The following PCSK1 variants were observed in gnomAD, a reference collection of about 807,000 sequenced individuals.
The protein encoded by PCSK1 is proprotein convertase subtilisin/kexin type 1.
In PCSK1, 56 loss-of-function variants were observed where a neutral mutation model predicts 90.6. The observed-to-expected ratio is 0.62, with a 90% CI of 0.50 to 0.77. The LOEUF is 0.77. Among genes scored for constraint, PCSK1 ranks in the 30% least tolerant of loss-of-function variants. PCSK1 has a pLI of 0.00. For synonymous variants in PCSK1, 348 were observed against 342.4 expected (o/e 1.02, Z -0.18); for missense variants, 801 against 932.6 (o/e 0.86, Z 1.84).
At chr5:96,410,604 G>T (rs1399725872) in intron 8 of PCSK1, among the ~76,000 whole-genome samples, 170 bp downstream of exon 8, 1 of 152,116 alleles carries the variant, frequency 6.6e-6, no homozygotes. Flanking sequence ...TCCCTGGAGA[G>T]AAAACTTTCT....
Position 96,392,708 on chromosome 5 carries a change from T to C in PCSK1, c.*293A>G, listed in dbSNP as rs1344793358. 2.2e-6 allele frequency: 1 copy of C among 450,890 alleles called. No homozygotes were observed. Among genetic ancestry groups the C allele is most frequent in the African/African-American group, 2.0e-5 (1 of 50,706 alleles). 27.9% of individuals were successfully genotyped at this position (450,890 alleles called of 1,614,324 possible). A position where few individuals can be genotyped will look rare whatever the true frequency, so the allele number is the denominator to read the frequency against. On this transcript the variant is annotated 3_prime_UTR_variant, in exon 14 of 14. Coordinates refer to ENST00000311106, the MANE Select transcript of PCSK1 (RefSeq NM_000439.5). ...AATTGAAATGGGCTCTAATGCAGTG[T>C]TCTAATGTAGTGTAAGAGCTTTTTG...
At chr5:96,413,800 CAAAAAAA>C (rs34702966) in intron 6 of PCSK1, among the ~76,000 whole-genome samples, 1 of 105,702 alleles carries the variant, frequency 9.5e-6, no homozygotes, top group Non-Finnish European at 1.8e-5. Flanking sequence ...GACTCTGTCT[CAAAAAAA>C]AAAAAAAAAA....
At chr5:96,408,484 A>C (rs1312052212) in intron 8 of PCSK1, among the ~76,000 whole-genome samples, 161 bp from the exon 9 acceptor site, 1 of 152,214 alleles carries the variant, frequency 6.6e-6, no homozygotes, top group African/African-American at 2.4e-5. Flanking sequence ...GATGTTTGCC[A>C]TCTGCTGATA....
Position 96,432,939 on chromosome 5 carries a change from C to T in PCSK1, c.104G>A (p.Trp35Ter). 1.2e-6 allele frequency: 2 copies of T among 1,614,226 alleles called. No individual in the cohort carries two copies. Among genetic ancestry groups the T allele is most frequent in the Non-Finnish European group, 1.7e-6 (2 of 1,180,032 alleles). Residue 35 changes from tryptophan to a stop codon, truncating the protein, a stop_gained, in exon 1 of 14, where the codon TGG becomes TAG. Transcript: ENST00000311106. LOFTEE classifies it high-confidence loss of function. ...AKAKRQFVNEWAAEIPGGPEA... is the reference protein window; with the variant it reads ...AKAKRQFVNE Reference sequence around the variant, plus strand: ...CGGGCCCCCGGGGATCTCCGCTGCCCATTCATTGACAAATTGCCTTTTCGC... The same window carrying T: ...CGGGCCCCCGGGGATCTCCGCTGCCTATTCATTGACAAATTGCCTTTTCGC...
rs2112450376 is a variant in PCSK1 at position 96,429,312 on chromosome 5, A to C, written c.186T>G (p.Gly62=). 1 of 1,526,566 alleles carries C rather than the reference A, an allele frequency of 6.6e-7. No individual in the cohort carries two copies. Among genetic ancestry groups the C allele is most frequent in the East Asian group, 2.3e-5 (1 of 44,366 alleles). The allele number at this position is 1,526,566 out of a possible 1,614,324, so 94.6% of individuals were successfully genotyped here. A position where few individuals can be genotyped will look rare whatever the true frequency, so the allele number is the denominator to read the frequency against. Residue 62 remains glycine (G), a synonymous_variant, in exon 2 of 14, where the codon GGT becomes GGG. Coordinates refer to ENST00000311106, the MANE Select transcript of PCSK1 (RefSeq NM_000439.5). The stretch of plus-strand genomic sequence containing the variant: ...TGAATAAGTAGTGATTTTCAAGTGA[A>C]CCAATCTATAAAAGGAAAGAAATAA... The part of the protein sequence containing the change: ...ELGYDLLGQI[G]SLENHYLFKH...
intron 2 of PCSK1, among the ~76,000 whole-genome samples, chr5:96,427,693 C>T (rs1290521473): frequency 1.3e-5 from 2 of 152,094 alleles, no homozygotes; most frequent in Non-Finnish European, 2.9e-5. Flanking sequence ...GTTAGGTATG[C>T]TCTATTCTGT....
chr5:96,418,699 T>C (rs1761011808), intron 5 of PCSK1, among the ~76,000 whole-genome samples: 1 of 152,192 alleles, frequency 6.6e-6, no homozygotes, highest in Non-Finnish European at 1.5e-5. Flanking sequence ...TTTCTAAACC[T>C]AAGGGCTTTA....
chr5:96,424,387 C>A (rs568767712), intron 3 of PCSK1, among the ~76,000 whole-genome samples: 10 of 152,212 alleles, frequency 6.6e-5, no homozygotes, highest in Admixed American at 2.0e-4. Flanking sequence ...ATGTCAGTTG[C>A]AGGAACAATT....
intron 6 of PCSK1, among the ~76,000 whole-genome samples, chr5:96,413,537 T>C (rs1476022902): frequency 1.3e-5 from 2 of 152,162 alleles, no homozygotes; most frequent in Non-Finnish European, 2.9e-5. Context: ...CAGTGGCTCA[T>C]GCCTTTAATA....
intron 6 of PCSK1, among the ~76,000 whole-genome samples, chr5:96,413,575 G>A (rs976233055): frequency 1.9e-4 from 29 of 151,988 alleles, no homozygotes; most frequent in African/African-American, 6.5e-4. Context: ...CGAGGTGGGT[G>A]GATCACTTGA....
In PCSK1 at chr5:96,419,609, C is replaced by A. The variant is rs115520120; in HGVS notation, c.620+2271G>T. ...TTTGACCTAAATTTGGCTCCCAAGT[C>A]TGCTCTTAACTGTTGGGCTATGACA... On this transcript the variant is annotated intron_variant, in intron 5 of 13. Coordinates refer to ENST00000311106, the MANE Select transcript of PCSK1 (RefSeq NM_000439.5). Among the ~76,000 whole-genome samples, 235 of 151,794 alleles carry A rather than the reference C, an allele frequency of 1.5e-3. 1 individual carries two copies. The highest frequency in any genetic ancestry group is 5.5e-3 in the African/African-American group (227 of 41,444).
At chr5:96,396,509 C>T (rs546640288) in intron 12 of PCSK1, among the ~76,000 whole-genome samples, 1 of 148,788 alleles carries the variant, frequency 6.7e-6, no homozygotes, top group African/African-American at 2.5e-5. Flanking sequence ...TGCAGTGAGC[C>T]GAGACTGTGC....
At chr5:96,408,378 C>T in intron 8 of PCSK1, 55 bp from the exon 9 acceptor site, 1 of 1,297,516 alleles carries the variant, frequency 7.7e-7, no homozygotes, top group East Asian at 2.4e-5. Flanking sequence ...GGAGTGTGGG[C>T]CTGTCTTGGG....
chr5:96,427,073 C>A (rs1474904383), intron 2 of PCSK1, among the ~76,000 whole-genome samples: 1 of 152,160 alleles, frequency 6.6e-6, no homozygotes, highest in African/African-American at 2.4e-5. Context: ...AAGTACTAAT[C>A]TTTGAGGTAG....
intron 1 of PCSK1, among the ~76,000 whole-genome samples, 172 bp from the exon 2 acceptor site, chr5:96,429,489 C>T (rs1328960065): frequency 6.6e-6 from 1 of 151,896 alleles, no homozygotes; most frequent in East Asian, 1.9e-4. Context: ...AGTACAAGTA[C>T]AGGTTTGTTA....
At position 96,433,073 on chromosome 5, in the gene PCSK1, A is replaced by AAGGGAAG. The variant is rs1761559682; in HGVS notation, c.-38_-32dup. ...ACACACTCGCTTGAACAAGAGTGGGAAGGGAAGAGGAAAAAGAAGCAAGAT... is the reference window on the plus strand; with the variant it reads ...ACACACTCGCTTGAACAAGAGTGGGAAGGGAAGAGGGAAGAGGAAAAAGAAGCAAGAT... On this transcript the variant is annotated 5_prime_UTR_variant, in exon 1 of 14. Coordinates refer to ENST00000311106, the MANE Select transcript of PCSK1 (RefSeq NM_000439.5). 2 of 1,606,692 alleles carry AAGGGAAG rather than the reference A, an allele frequency of 1.2e-6. No homozygotes were observed. The highest frequency in any genetic ancestry group is 2.7e-5 in the African/African-American group (2 of 74,868).
chr5:96,425,415 A>G (rs1761276588), intron 3 of PCSK1, among the ~76,000 whole-genome samples: 1 of 152,218 alleles, frequency 6.6e-6, no homozygotes, highest in Admixed American at 6.5e-5. Context: ...AAGAATTGTC[A>G]TTCAGGGTTG....
In PCSK1 at chr5:96,410,907, C is replaced by T; in HGVS notation, c.962G>A (p.Gly321Asp). 1 of 1,613,492 alleles carries T rather than the reference C, an allele frequency of 6.2e-7. No individual in the cohort carries two copies. Among genetic ancestry groups the T allele is most frequent in the Non-Finnish European group, 8.5e-7 (1 of 1,179,706 alleles). The change falls in exon 8 of 14, where the codon GGC becomes GAC. Residue 321 changes from glycine to aspartate, a missense_variant. Coordinates refer to ENST00000311106, the MANE Select transcript of PCSK1 (RefSeq NM_000439.5). ...GATGGTGTAGATGCTGTCTGTGTAG[C>T]CATCACAGTCACAATTATCTCCCTG... ...GRQGDNCDCDGYTDSIYTISI... is the reference protein window; with the variant it reads ...GRQGDNCDCDDYTDSIYTISI...
rs889608253 is a variant in PCSK1 at position 96,433,001 on chromosome 5, G to A, written c.42C>T (p.Val14=). 1.7e-5 allele frequency: 28 copies of A among 1,614,116 alleles called. No individual in the cohort carries two copies. Among genetic ancestry groups the A allele is most frequent in the East Asian group, 2.2e-5 (1 of 44,892 alleles). Residue 14 remains valine, a synonymous_variant, in exon 1 of 14, where the codon GTC becomes GTT. Transcript: ENST00000311106. ...TCAGTGCACACCAAGCGCAAAAGAG[G>A]ACGAAAGCAGTGCACTGCAGACTCC... ...RAWSLQCTAF[V]LFCAWCALNS... is the part of the protein sequence containing the mutation.
Sources: allele counts gnomAD v4.1 joint callset (sites outside exome capture counted in the v4.1 genomes callset), GRCh38; gene constraint gnomAD v4.1.1; transcripts MANE v1.5; gene names NCBI Gene and HGNC (gene_info 2026-07-23, HGNC 2026-07-21).